The following STX3 variants were observed in gnomAD, a reference collection of about 807,000 sequenced individuals.
The protein encoded by STX3 is syntaxin-3.
A neutral mutation model predicts 40.2 loss-of-function variants in STX3; 19 were observed. That is an observed-to-expected ratio of 0.47 (90% CI 0.33 to 0.69). The LOEUF (loss-of-function observed/expected upper bound fraction) is 0.69. Among genes scored for constraint, STX3 ranks in the 30% least tolerant of loss-of-function variants. The probability of loss-of-function intolerance (pLI) is 0.02; values close to 1 mark genes in which losing one functional copy is unlikely to be tolerated. For synonymous variants in STX3, 122 were observed against 132.2 expected (o/e 0.92, Z 0.53); for missense variants, 364 against 366.7 (o/e 0.99, Z 0.06).
intron 3 of STX3, among the ~76,000 whole-genome samples, chr11:59,788,266 GATTT>G (rs1359950644): frequency 6.6e-6 from 1 of 152,156 alleles, no homozygotes; most frequent in African/African-American, 2.4e-5. Context: ...TAGAGCTGCT[GATTT>G]ATTTCTCCTT....
intron 9 of STX3, 178 bp downstream of exon 9, chr11:59,795,660 G>A (rs779577378): frequency 2.0e-5 from 31 of 1,537,320 alleles, no homozygotes; most frequent in African/African-American, 6.8e-5. Context: ...TTTGTGGAGC[G>A]GGCCGTGGCA....
chr11:59,801,155 G>A lies in STX3; in HGVS notation c.*331G>A. Reference sequence around the variant, plus strand: ...CAGATTATGCCTTGCACTTGGGAAAGCTCTTGTGAGACTCTCCCAAGGTGC... The same window carrying A: ...CAGATTATGCCTTGCACTTGGGAAAACTCTTGTGAGACTCTCCCAAGGTGC... On this transcript the variant is annotated 3_prime_UTR_variant, in exon 11 of 11. Transcript: ENST00000337979. 2.6e-5 allele frequency: 34 copies of A among 1,286,988 alleles called. No individual in the cohort carries two copies. The highest frequency in any genetic ancestry group is 3.4e-5 in the Non-Finnish European group (34 of 1,013,338). The allele number at this position is 1,286,988 out of a possible 1,614,324, so 79.7% of individuals were successfully genotyped here. A position where few individuals can be genotyped will look rare whatever the true frequency, so the allele number is the denominator to read the frequency against.
intron 1 of STX3, among the ~76,000 whole-genome samples, chr11:59,772,650 A>G (rs1394978947): frequency 6.6e-6 from 1 of 152,120 alleles, no homozygotes; most frequent in Non-Finnish European, 1.5e-5. Flanking sequence ...TCCAAAAGAT[A>G]AGTTTGATTC....
Position 59,793,364 on chromosome 11 carries a change from G to C in STX3, c.541-16G>C. Reference sequence around the variant, plus strand: ...CTTGCAGGGGTAGCTAACAGTCTGTGTGTGGCCTGTTGTAGATCATTGACT... The same window carrying C: ...CTTGCAGGGGTAGCTAACAGTCTGTCTGTGGCCTGTTGTAGATCATTGACT... On this transcript the variant is annotated splice_polypyrimidine_tract_variant and intron_variant, in intron 7 of 10. Transcript: ENST00000337979. 1 of 1,612,070 alleles carries C rather than the reference G, an allele frequency of 6.2e-7. No individual in the cohort carries two copies. Among genetic ancestry groups the C allele is most frequent in the East Asian group, 2.2e-5 (1 of 44,812 alleles).
chr11:59,799,804 GTGGT>G (rs2135047101), intron 10 of STX3: 5 of 985,338 alleles, frequency 5.1e-6, no homozygotes, highest in South Asian at 4.7e-5. Flanking sequence ...TCATAGACAG[GTGGT>G]TGGTTGATTT....
At chr11:59,757,762 C>G (rs1310639129) in intron 1 of STX3, among the ~76,000 whole-genome samples, 2 of 152,220 alleles carry the variant, frequency 1.3e-5, no homozygotes, top group African/African-American at 4.8e-5. Flanking sequence ...CTCTGCTTCT[C>G]AATTCCTCCT....
chr11:59,774,602 G>A (rs370567412), intron 2 of STX3, among the ~76,000 whole-genome samples: 1 of 152,166 alleles, frequency 6.6e-6, no homozygotes, highest in South Asian at 2.1e-4. Context: ...GGGGGCCGAG[G>A]TGGGCGGATC....
upstream of STX3, chr11:59,755,195 G>T (rs889946933): frequency 6.2e-6 from 1 of 162,268 alleles, no homozygotes; most frequent in Non-Finnish European, 1.3e-5. Flanking sequence ...CGGTGCAGGG[G>T]CCTCTCCCCG....
At chr11:59,781,802 C>G in intron 2 of STX3, 1 of 1,355,204 alleles carries the variant, frequency 7.4e-7, no homozygotes, top group Non-Finnish European at 1.0e-6. Flanking sequence ...GAGGACTTGA[C>G]TGAGCAGCTC....
At chr11:59,786,654 C>T (rs1220845364) in intron 2 of STX3, among the ~76,000 whole-genome samples, 1 of 151,534 alleles carries the variant, frequency 6.6e-6, no homozygotes, top group Non-Finnish European at 1.5e-5. Context: ...TTCCCCTCTC[C>T]TTCATCCTCA....
intron 1 of STX3, among the ~76,000 whole-genome samples, chr11:59,771,392 GT>G (rs1863621709): frequency 8.1e-5 from 4 of 49,130 alleles, no homozygotes; most frequent in Admixed American, 2.1e-4. Flanking sequence ...TTTGCCCCCC[GT>G]CCCCCCACCT....
intron 1 of STX3, among the ~76,000 whole-genome samples, chr11:59,764,941 G>T (rs1863212905): frequency 6.6e-6 from 1 of 151,232 alleles, no homozygotes. Context: ...ACTGAGTGGA[G>T]TGGGGTCCTC....
chr11:59,798,018 A>G (rs1291263987), intron 10 of STX3, among the ~76,000 whole-genome samples: 1 of 152,248 alleles, frequency 6.6e-6, no homozygotes, highest in African/African-American at 2.4e-5. Context: ...AAACTCAGTC[A>G]AAGAGAATGT....
Position 59,787,021 on chromosome 11 carries a change from G to A in STX3, c.115-16G>A, listed in dbSNP as rs1201766369. The A allele has an allele frequency of 1.2e-6, 2 of 1,608,386 alleles. No individual in the cohort carries two copies. Among genetic ancestry groups the A allele is most frequent in the East Asian group, 4.5e-5 (2 of 44,866 alleles). On this transcript the variant is annotated splice_polypyrimidine_tract_variant and intron_variant, in intron 2 of 10. Transcript: ENST00000337979. Reference sequence around the variant, plus strand: ...TTCCTCTTTGATGATGAAGGTTATTGTCTTTCTGATTATAGATTGAGGAAA... The same window carrying A: ...TTCCTCTTTGATGATGAAGGTTATTATCTTTCTGATTATAGATTGAGGAAA...
chr11:59,770,715 C>T (rs1469108140), intron 1 of STX3, among the ~76,000 whole-genome samples: 1 of 151,988 alleles, frequency 6.6e-6, no homozygotes, highest in African/African-American at 2.4e-5. Context: ...CTATTATATG[C>T]CTGGTTACAG....
chr11:59,794,856 C>G (rs775739950), intron 8 of STX3, among the ~76,000 whole-genome samples: 4 of 152,180 alleles, frequency 2.6e-5, no homozygotes, highest in Non-Finnish European at 5.9e-5. Context: ...TTAGAGAAAG[C>G]AAATGTTCCC....
intron 2 of STX3, among the ~76,000 whole-genome samples, chr11:59,779,178 A>G (rs902029948): frequency 2.0e-5 from 3 of 152,150 alleles, no homozygotes; most frequent in Non-Finnish European, 2.9e-5. Context: ...TTGGGCTGCT[A>G]TGAGAAAGTA....
rs1490736549 is a variant in STX3, at chr11:59,802,412, C to G, written c.*1588C>G. 4.1e-6 allele frequency: 4 copies of G among 985,718 alleles called. No homozygotes were observed. In the East Asian group the frequency reaches 4.5e-4, roughly 112 times the overall value. The allele number at this position is 985,718 out of a possible 1,614,324, so 61.1% of individuals were successfully genotyped here. ...AGGGTAAGCACCCTTAATTCAGGCA[C>G]TGTCCATTAGCTTCCTTTGCAAAGG... On this transcript the variant is annotated 3_prime_UTR_variant, in exon 11 of 11. Transcript: ENST00000337979.
Position 59,802,113 on chromosome 11 carries a change from A to AGGGT in STX3, c.*1289_*1290insGGGT, listed in dbSNP as rs1176868294. ...CAGTAACTTGATATTCACATGACCT[A>AGGGT]CAGGATGTCCCATCTGCAGGGCTGA... On this transcript the variant is annotated 3_prime_UTR_variant, in exon 11 of 11. Transcript: ENST00000337979. 1 of 985,300 alleles carries AGGGT rather than the reference A, an allele frequency of 1.0e-6. No individual in the cohort carries two copies. The highest frequency in any genetic ancestry group is 1.7e-5 in the African/African-American group (1 of 57,218). 61.0% of individuals were successfully genotyped at this position (985,300 alleles called of 1,614,324 possible).
Sources: gnomAD v4.1 joint callset for allele counts (sites outside exome capture counted in the v4.1 genomes callset) on GRCh38, gnomAD v4.1.1 for gene constraint, MANE v1.5 for transcripts, NCBI Gene and HGNC (gene_info 2026-07-23, HGNC 2026-07-21) for gene names.